ETFB: variants seen among roughly 807,000 people sequenced by gnomAD.
ETFB encodes electron transfer flavoprotein subunit beta, also known as beta-ETF.
ETFB carries 20 observed loss-of-function variants against 25.6 expected under a neutral mutation model. That is an observed-to-expected ratio of 0.78 (90% CI 0.55 to 1.14). The LOEUF is 1.14. Ranked by LOEUF, ETFB falls within the 50% of genes most tolerant of loss-of-function variation. The pLI, the probability that ETFB is intolerant of heterozygous loss-of-function variation, is 0.00. For synonymous variants in ETFB, 142 were observed against 146.7 expected, an observed-to-expected ratio of 0.97 and a Z score of 0.23; for missense variants, 286 against 342.6, an observed-to-expected ratio of 0.83 and a Z score of 1.30.
chr19:51,362,168 C>T (rs1305661940), intron 1 of ETFB, among the ~76,000 whole-genome samples: 94 of 37,730 alleles, frequency 2.5e-3, no homozygotes, highest in South Asian at 4.6e-3. Flanking sequence ...CACATACACA[C>T]ACACACACAC....
intron 1 of ETFB, among the ~76,000 whole-genome samples, chr19:51,359,176 C>T (rs1986160667): frequency 6.6e-6 from 1 of 151,714 alleles, no homozygotes; most frequent in African/African-American, 2.4e-5. Flanking sequence ...TTCAGCCTCC[C>T]CAGTAGCTGG....
chr19:51,345,320 G>A lies in ETFB; in HGVS notation c.659C>T (p.Ser220Phe), dbSNP rs1242611027. 8 of 1,613,966 alleles carry A rather than the reference G, an allele frequency of 5.0e-6. No individual in the cohort carries two copies. The highest frequency in any genetic ancestry group is 1.1e-5 in the South Asian group (1 of 91,074). ...KPGDLGVDLT[S>F]KLSVISVEDP... ...CTCCACACTGATCACAGAGAGCTTG[G>A]AGGTCAGGTCCACACCCAGGTCCCC... The change falls in exon 6 of 6, where the codon TCC becomes TTC. Residue 220 changes from serine (S) to phenylalanine (F), a missense_variant. Coordinates refer to ENST00000309244, the MANE Select transcript of ETFB (RefSeq NM_001985.3).
Position 51,345,640 on chromosome 19 carries a change from T to C in ETFB, c.598-259A>G, listed in dbSNP as rs544511881. On this transcript the variant is annotated intron_variant, in intron 5 of 5. Transcript: ENST00000309244. ...CCAAATCAGGAAGCCCTTCACTGGC[T>C]GCAACAGAGTGGCAAACCCATCCTT... 6 of 537,404 alleles carry C rather than the reference T, an allele frequency of 1.1e-5. No individual in the cohort carries two copies. The East Asian group carries it at 2.0e-4, about 18-fold the overall frequency. 33.3% of individuals were successfully genotyped at this position (537,404 alleles called of 1,614,324 possible).
At chr19:51,346,836 G>A in intron 5 of ETFB, 64 bp downstream of exon 5, 2 of 1,483,912 alleles carry the variant, frequency 1.3e-6, no homozygotes, top group South Asian at 2.4e-5. Context: ...ACCACCGGGG[G>A]GCACTGGGCT....
Position 51,361,276 on chromosome 19 carries a change from CCT to C in ETFB, c.57+4992_57+4993del, listed in dbSNP as rs555730135. On this transcript the variant is annotated intron_variant, in intron 1 of 5. Coordinates refer to ENST00000309244, the MANE Select transcript of ETFB (RefSeq NM_001985.3). ...GATTTTCGACAGCTCTTCCTGAACCCCTGACACAGCTCAAGGACTTGTGTGGT... is the reference window on the plus strand; with the variant it reads ...GATTTTCGACAGCTCTTCCTGAACCCGACACAGCTCAAGGACTTGTGTGGT... Among the ~76,000 whole-genome samples the C allele has an allele frequency of 1.0e-3, 152 of 152,278 alleles. 1 individual carries two copies. The highest frequency in any genetic ancestry group is 1.4e-3 in the South Asian group (7 of 4,834).
chr19:51,347,246 G>A, intron 4 of ETFB, 188 bp from the exon 5 acceptor site: 1 of 627,796 alleles, frequency 1.6e-6, no homozygotes, highest in African/African-American at 1.8e-5. Flanking sequence ...CTTTCCCTGA[G>A]AGCCACGGTG....
chr19:51,346,820 C>G (rs866194148), intron 5 of ETFB, 80 bp downstream of exon 5: 1 of 1,399,724 alleles, frequency 7.1e-7, no homozygotes, highest in Non-Finnish European at 9.7e-7. Context: ...TCCCTCCCCA[C>G]GTGCGACCAC....
Position 51,345,361 on chromosome 19 carries a change from G to T in ETFB, c.618C>A (p.Ile206=), listed in dbSNP as rs533794107. Residue 206 remains isoleucine (I), a synonymous_variant, in exon 6 of 6, where the codon ATC becomes ATA. Transcript: ENST00000309244. ...CCAGGTCCCCAGGCTTGATCACCTC[G>T]ATCTTCTTCTTCTTGGCTTTCTGCA... The part of the protein sequence containing the change: ...PNIMKAKKKK[I]EVIKPGDLGV... 1.9e-6 allele frequency: 3 copies of T among 1,613,882 alleles called. No homozygotes were observed. Among genetic ancestry groups the T allele is most frequent in the Non-Finnish European group, 2.5e-6 (3 of 1,179,992 alleles).
At chr19:51,347,987 C>G (rs1985838985) in intron 4 of ETFB, 1 of 152,254 alleles carries the variant, frequency 6.6e-6, no homozygotes, top group African/African-American at 2.4e-5. Flanking sequence ...GCTAGTCAGA[C>G]AGTGGTAAAT....
rs866194148 is a variant in ETFB, at chr19:51,346,820, C to T, written c.597+80G>A. ...CCTCCTTTGGATCCTTCCCTCCCCA[C>T]GTGCGACCACCGGGGGGCACTGGGC... On this transcript the variant is annotated intron_variant, in intron 5 of 5. Coordinates refer to ENST00000309244, the MANE Select transcript of ETFB (RefSeq NM_001985.3). 25 of 1,399,604 alleles carry T rather than the reference C, an allele frequency of 1.8e-5. No homozygotes were observed. The African/African-American group carries it at 2.6e-4, about 14-fold the overall frequency. 86.7% of individuals were successfully genotyped at this position (1,399,604 alleles called of 1,614,324 possible).
At chr19:51,348,664 TAA>T (rs1985855657) in intron 4 of ETFB, 1 of 34,954 alleles carries the variant, frequency 2.9e-5, no homozygotes. Context: ...TTATTGTAGG[TAA>T]ATAACTCAAC....
chr19:51,355,755 T>C (rs1388159965), intron 1 of ETFB: 3 of 151,966 alleles, frequency 2.0e-5, no homozygotes, highest in African/African-American at 7.3e-5. Flanking sequence ...TGGAATACTA[T>C]GCAGCCATAA....
chr19:51,360,770 C>A lies in ETFB; in HGVS notation c.57+5500G>T, dbSNP rs1037567648. Among the ~76,000 whole-genome samples, 334 of 62,264 alleles carry A rather than the reference C, an allele frequency of 5.4e-3. 2 individuals carry two copies. Among genetic ancestry groups the A allele is most frequent in the African/African-American group, 0.011 (315 of 28,708 alleles). 40.8% of individuals were successfully genotyped at this position (62,264 alleles called of 152,430 possible). On this transcript the variant is annotated intron_variant, in intron 1 of 5. Coordinates refer to ENST00000309244, the MANE Select transcript of ETFB (RefSeq NM_001985.3). ...TCTTCTCTTTTCTTTCTCTCTTTCT[C>A]TCTCTCTCTCTCTCTCTCTTTCTCT...
At chr19:51,353,736 C>T (rs541745704) in intron 2 of ETFB, among the ~76,000 whole-genome samples, 1 of 137,492 alleles carries the variant, frequency 7.3e-6, no homozygotes, top group East Asian at 2.2e-4. Context: ...GCCCATCCTC[C>T]CTCAGACCCA....
At chr19:51,360,326 C>T (rs1199850974) in intron 1 of ETFB, among the ~76,000 whole-genome samples, 3 of 149,992 alleles carry the variant, frequency 2.0e-5, no homozygotes, top group East Asian at 2.0e-4. Flanking sequence ...CACTTGAACC[C>T]GGGAGGTGGA....
intron 1 of ETFB, chr19:51,356,876 T>C (rs1986091953): frequency 6.6e-6 from 1 of 152,112 alleles, no homozygotes; most frequent in Non-Finnish European, 1.5e-5. Flanking sequence ...TGTGGCTGCA[T>C]CGCTTTATCT....
chr19:51,365,843 G>A (rs1443560606), intron 1 of ETFB, among the ~76,000 whole-genome samples: 1 of 152,182 alleles, frequency 6.6e-6, no homozygotes, highest in Non-Finnish European at 1.5e-5. Context: ...AGCACATTTC[G>A]GGTAATATAA....
At chr19:51,346,774 G>T in intron 5 of ETFB, 126 bp downstream of exon 5, 1 of 920,454 alleles carries the variant, frequency 1.1e-6, no homozygotes, top group Non-Finnish European at 1.6e-6. Context: ...AACTCCAGGT[G>T]ACGGCTTCCT....
chr19:51,353,421 A>G lies in ETFB; in HGVS notation c.217-131T>C, dbSNP rs367705257. The G allele has an allele frequency of 7.0e-3, 4,032 of 576,516 alleles. 56 individuals carry two copies. Among genetic ancestry groups the G allele is most frequent in the African/African-American group, 0.056 (1,817 of 32,170 alleles). 35.7% of individuals were successfully genotyped at this position (576,516 alleles called of 1,614,324 possible). A position where few individuals can be genotyped will look rare whatever the true frequency, so the allele number is the denominator to read the frequency against. On this transcript the variant is annotated intron_variant, in intron 2 of 5. Transcript: ENST00000309244. ...CCTCCTTCCTCAGACCCAGGAGTCC[A>G]GGCCCCCATCCCCTCCTTCCTCAGA...
Sources: allele counts gnomAD v4.1 joint callset (sites outside exome capture counted in the v4.1 genomes callset), GRCh38; gene constraint gnomAD v4.1.1; transcripts MANE v1.5; gene names NCBI Gene and HGNC (gene_info 2026-07-23, HGNC 2026-07-21).